The following SGCZ variants were observed in gnomAD, a reference collection of about 807,000 sequenced individuals.
The protein encoded by SGCZ is sarcoglycan zeta.
Under a neutral mutation model 41.3 loss-of-function variants are expected in SGCZ, and 40 were observed. The ratio of observed to expected loss-of-function variants is 0.97; its 90% CI spans 0.75 to 1.26. The LOEUF is 1.26. Ranked by LOEUF, SGCZ falls within the 50% of genes most tolerant of loss-of-function variation. The pLI is 0.00. For missense variants in SGCZ, 552 were observed against 369.8 expected, an observed-to-expected ratio of 1.49 and a Z score of -4.04; for synonymous variants, 206 against 137.5, an observed-to-expected ratio of 1.50 and a Z score of -3.49.
intron 1 of SGCZ, among the ~76,000 whole-genome samples, chr8:14,703,268 T>C (rs1338831947): frequency 6.6e-6 from 1 of 151,944 alleles, no homozygotes; most frequent in Non-Finnish European, 1.5e-5. Flanking sequence ...GTCAACCCCT[T>C]TGCTCACTCT....
chr8:14,556,120 G>T (rs2117194850), intron 1 of SGCZ, among the ~76,000 whole-genome samples: 1 of 151,814 alleles, frequency 6.6e-6, no homozygotes, highest in Non-Finnish European at 1.5e-5. Context: ...AAAACAATAT[G>T]AATAAGCACT....
chr8:14,616,282 CAA>C lies in SGCZ; in HGVS notation c.40-61358_40-61357del, dbSNP rs11306350. ...TGGGCCACAGAGCGAGACTCTGTCT[CAA>C]AAAAAAAAAAGAAAAAAAGAAAAAC... On this transcript the variant is annotated intron_variant, in intron 1 of 7. Coordinates refer to ENST00000382080, the MANE Select transcript of SGCZ (RefSeq NM_139167.4). Among the ~76,000 whole-genome samples, 829 of 140,120 alleles carry C rather than the reference CAA, an allele frequency of 5.9e-3. 3 individuals carry two copies. Among genetic ancestry groups the C allele is most frequent in the Non-Finnish European group, 7.8e-3 (504 of 64,656 alleles). 91.9% of individuals were successfully genotyped at this position (140,120 alleles called of 152,430 possible).
At chr8:15,159,390 A>C (rs1469305380) in intron 1 of SGCZ, among the ~76,000 whole-genome samples, 3 of 152,174 alleles carry the variant, frequency 2.0e-5, no homozygotes, top group African/African-American at 4.8e-5. Context: ...TTGAACCCAA[A>C]GAGTGGGTCA....
At chr8:14,785,445 A>G (rs1248369843) in intron 1 of SGCZ, among the ~76,000 whole-genome samples, 13 of 152,122 alleles carry the variant, frequency 8.5e-5, no homozygotes, top group Non-Finnish European at 5.9e-5. Flanking sequence ...AACGATACCA[A>G]AATTTAAAAT....
At chr8:14,908,114 A>G (rs565187525) in intron 1 of SGCZ, among the ~76,000 whole-genome samples, 2 of 152,310 alleles carry the variant, frequency 1.3e-5, no homozygotes, top group South Asian at 4.1e-4. Flanking sequence ...AGTCAGGGCA[A>G]AAAAGGTAGT....
intron 1 of SGCZ, among the ~76,000 whole-genome samples, chr8:15,167,569 G>C: frequency 6.6e-6 from 1 of 152,086 alleles, no homozygotes; most frequent in Non-Finnish European, 1.5e-5. Flanking sequence ...AAACCAAAAG[G>C]CCTCTGCAGA....
rs527253074 is a variant in SGCZ at position 15,109,270 on chromosome 8, T to A, written c.39+128315A>T. Among the ~76,000 whole-genome samples, 3 of 152,270 alleles carry A rather than the reference T, an allele frequency of 2.0e-5. No homozygotes were observed. The East Asian group carries it at 5.8e-4, about 29-fold the overall frequency. ...GCCCAATGTTTTTAGAATTTCTTTTTATTTTCTGCTAATGAATCATGACAT... is the reference window on the plus strand; with the variant it reads ...GCCCAATGTTTTTAGAATTTCTTTTAATTTTCTGCTAATGAATCATGACAT... On this transcript the variant is annotated intron_variant, in intron 1 of 7. Transcript: ENST00000382080.
At chr8:15,163,452 T>G (rs2117045902) in intron 1 of SGCZ, among the ~76,000 whole-genome samples, 1 of 152,362 alleles carries the variant, frequency 6.6e-6, no homozygotes, top group African/African-American at 2.4e-5. Flanking sequence ...ATATGAATAC[T>G]GGAAACGACT....
chr8:14,129,700 T>C (rs2117054525), intron 5 of SGCZ, among the ~76,000 whole-genome samples: 1 of 150,952 alleles, frequency 6.6e-6, no homozygotes, highest in South Asian at 2.1e-4. Context: ...TTAAAAAAAA[T>C]CAAAAAAGAC....
intron 1 of SGCZ, among the ~76,000 whole-genome samples, chr8:15,039,660 T>C (rs1295885710): frequency 6.6e-6 from 1 of 152,200 alleles, no homozygotes; most frequent in Non-Finnish European, 1.5e-5. Flanking sequence ...GTAAAGTGTA[T>C]TTCACCAGCA....
In SGCZ at chr8:14,398,035, AG is replaced by A. The variant is rs1422411201; in HGVS notation, c.235-73832del. 2.0e-5 allele frequency among the ~76,000 whole-genome samples: 3 copies of A among 152,098 alleles called. No individual in the cohort carries two copies. In the East Asian group the frequency reaches 5.8e-4, roughly 29 times the overall value. ...TTAATGGTTCAGACCATCAACTCAAAGGACCCTTTTTGTGACCCTCAATTGA... is the reference window on the plus strand; with the variant it reads ...TTAATGGTTCAGACCATCAACTCAAAGACCCTTTTTGTGACCCTCAATTGA... On this transcript the variant is annotated intron_variant, in intron 2 of 7. Transcript: ENST00000382080.
intron 1 of SGCZ, among the ~76,000 whole-genome samples, chr8:14,647,516 A>G (rs1342107751): frequency 6.6e-6 from 1 of 151,954 alleles, no homozygotes; most frequent in Non-Finnish European, 1.5e-5. Context: ...ATGTAAAGTC[A>G]CCTTCTCCCT....
At position 15,119,294 on chromosome 8, in the gene SGCZ, G is replaced by A. The variant is rs1204842947; in HGVS notation, c.39+118291C>T. ...TCCTGTAATCCCAGCACCTTGGGAG[G>A]CCGAGGTGGGTGGATCACTTGAGCT... On this transcript the variant is annotated intron_variant, in intron 1 of 7. Transcript: ENST00000382080. Among the ~76,000 whole-genome samples, 8 of 152,114 alleles carry A rather than the reference G, an allele frequency of 5.3e-5. No individual in the cohort carries two copies. The East Asian group carries it at 1.5e-3, about 29-fold the overall frequency.
intron 1 of SGCZ, among the ~76,000 whole-genome samples, chr8:15,153,541 C>T (rs576608051): frequency 1.1e-4 from 17 of 152,070 alleles, no homozygotes; most frequent in African/African-American, 3.4e-4. Context: ...GAGGTGGGGC[C>T]GGGTAGAAGG....
intron 4 of SGCZ, among the ~76,000 whole-genome samples, chr8:14,195,894 G>C (rs1326778301): frequency 6.6e-6 from 1 of 152,090 alleles, no homozygotes; most frequent in Non-Finnish European, 1.5e-5. Flanking sequence ...GCACTATCGG[G>C]AATGTTAAAG....
intron 4 of SGCZ, among the ~76,000 whole-genome samples, chr8:14,178,111 T>C (rs1804610080): frequency 6.6e-6 from 1 of 151,680 alleles, no homozygotes; most frequent in African/African-American, 2.4e-5. Context: ...GCATGAGCCA[T>C]CACCCCCGGC....
chr8:14,269,541 A>G (rs1362668891), intron 3 of SGCZ, among the ~76,000 whole-genome samples: 1 of 152,188 alleles, frequency 6.6e-6, no homozygotes, highest in African/African-American at 2.4e-5. Flanking sequence ...GGTGACCATG[A>G]TGCACACTCC....
In SGCZ at chr8:14,668,171, G is replaced by A. The variant is rs374665276; in HGVS notation, c.40-113245C>T. On this transcript the variant is annotated intron_variant, in intron 1 of 7. Coordinates refer to ENST00000382080, the MANE Select transcript of SGCZ (RefSeq NM_139167.4). ...ACGGGGGATTCACCATGTTGGCCAGGCTAGTCTCAAACTCCTGACCTCAGG... is the reference window on the plus strand; with the variant it reads ...ACGGGGGATTCACCATGTTGGCCAGACTAGTCTCAAACTCCTGACCTCAGG... Among the ~76,000 whole-genome samples the A allele has an allele frequency of 3.7e-4, 56 of 152,198 alleles. 1 individual carries two copies. The East Asian group carries it at 8.9e-3, about 24-fold the overall frequency.
chr8:14,439,300 A>G (rs1233175864), intron 2 of SGCZ, among the ~76,000 whole-genome samples: 1 of 129,868 alleles, frequency 7.7e-6, no homozygotes, highest in Non-Finnish European at 1.7e-5. Context: ...GAAAATATAT[A>G]GAAGAAAGAA....
Sources: allele counts gnomAD v4.1 joint callset (sites outside exome capture counted in the v4.1 genomes callset), GRCh38; gene constraint gnomAD v4.1.1; transcripts MANE v1.5; gene names NCBI Gene and HGNC (gene_info 2026-07-23, HGNC 2026-07-21).